LRRTM3: variants seen among roughly 807,000 people sequenced by gnomAD.
LRRTM3 encodes leucine rich repeat transmembrane neuronal 3, also known as leucine-rich repeat transmembrane neuronal protein 3.
A neutral mutation model predicts 44.7 loss-of-function variants in LRRTM3; 24 were observed. That is an observed-to-expected ratio of 0.54 (90% CI 0.39 to 0.76). The LOEUF is 0.76. Among genes scored for constraint, LRRTM3 ranks in the 30% least tolerant of loss-of-function variants. LRRTM3 has a pLI of 0.00. For missense variants in LRRTM3, 587 were observed against 702.2 expected (o/e 0.84, Z 1.85); for synonymous variants, 277 against 278.7 (o/e 0.99, Z 0.06).
At chr10:67,039,080 G>A (rs1288234673) in intron 2 of LRRTM3, among the ~76,000 whole-genome samples, 1 of 151,976 alleles carries the variant, frequency 6.6e-6, no homozygotes. Flanking sequence ...TATTTTTACA[G>A]TTTCTACCTG....
chr10:67,037,781 T>C (rs765307001), intron 2 of LRRTM3, among the ~76,000 whole-genome samples: 28 of 152,154 alleles, frequency 1.8e-4, no homozygotes, highest in Non-Finnish European at 1.9e-4. Context: ...CTTGAACAAA[T>C]ACATGGATGG....
chr10:67,028,838 C>T (rs1450617381), intron 2 of LRRTM3, among the ~76,000 whole-genome samples: 1 of 152,032 alleles, frequency 6.6e-6, no homozygotes, highest in African/African-American at 2.4e-5. Context: ...GATAGGAAAT[C>T]CCTGAGTAGA....
At chr10:67,042,674 A>G (rs1422212029) in intron 2 of LRRTM3, among the ~76,000 whole-genome samples, 2 of 151,974 alleles carry the variant, frequency 1.3e-5, no homozygotes, top group Non-Finnish European at 2.9e-5. Flanking sequence ...GAAAGGTAAG[A>G]GTGGGGAAAC....
chr10:67,043,450 G>A (rs374100587), intron 2 of LRRTM3, among the ~76,000 whole-genome samples: 8 of 152,206 alleles, frequency 5.3e-5, no homozygotes, highest in South Asian at 2.1e-4. Context: ...AATCTTTTCT[G>A]AGGGAGTAGG....
intron 2 of LRRTM3, among the ~76,000 whole-genome samples, chr10:67,001,757 ACT>A (rs1271174709): frequency 1.3e-5 from 2 of 152,144 alleles, no homozygotes; most frequent in East Asian, 1.9e-4. Context: ...CAAAAGGCAC[ACT>A]CACACTATCT....
intron 2 of LRRTM3, among the ~76,000 whole-genome samples, chr10:66,990,690 G>A (rs1386017269): frequency 6.6e-6 from 1 of 152,154 alleles, no homozygotes; most frequent in African/African-American, 2.4e-5. Flanking sequence ...GATAATGGAT[G>A]TTTATAGCAA....
In LRRTM3 at chr10:66,987,215, T is replaced by C. The variant is rs543813306; in HGVS notation, c.1536+58763T>C. Among the ~76,000 whole-genome samples, 145 of 152,224 alleles carry C rather than the reference T, an allele frequency of 9.5e-4. 1 individual carries two copies. Among genetic ancestry groups the C allele is most frequent in the African/African-American group, 3.2e-3 (133 of 41,544 alleles). ...GCAGAATATGTTGTAAGGACTTAAC[T>C]TTTTCTCTGAATGAAACGGGTGGCC... On this transcript the variant is annotated intron_variant, in intron 2 of 2. Coordinates refer to ENST00000361320, the MANE Select transcript of LRRTM3 (RefSeq NM_178011.5).
intron 2 of LRRTM3, among the ~76,000 whole-genome samples, chr10:66,987,774 C>T (rs1241268147): frequency 6.6e-6 from 1 of 152,104 alleles, no homozygotes; most frequent in Non-Finnish European, 1.5e-5. Context: ...GAATTTAGCT[C>T]ATGATAACTA....
Position 67,029,642 on chromosome 10 carries a change from C to G in LRRTM3, c.1537-67945C>G, listed in dbSNP as rs1299908714. ...GTTTGGGATGGCTTTTTCTCATTGC[C>G]TTTAAAAATAAATTTTAATTTTCCC... On this transcript the variant is annotated intron_variant, in intron 2 of 2. Coordinates refer to ENST00000361320, the MANE Select transcript of LRRTM3 (RefSeq NM_178011.5). 2.0e-5 allele frequency among the ~76,000 whole-genome samples: 3 copies of G among 152,138 alleles called. No homozygotes were observed. In the East Asian group the frequency reaches 5.8e-4, roughly 29 times the overall value.
At chr10:66,951,218 C>A (rs1382450275) in intron 2 of LRRTM3, among the ~76,000 whole-genome samples, 8 of 151,540 alleles carry the variant, frequency 5.3e-5, no homozygotes, top group Admixed American at 1.3e-4. Context: ...TGGGTTCAAG[C>A]GATTCTCCTG....
chr10:67,034,545 T>A (rs1327399337), intron 2 of LRRTM3, among the ~76,000 whole-genome samples: 1 of 152,196 alleles, frequency 6.6e-6, no homozygotes, highest in Non-Finnish European at 1.5e-5. Context: ...CTACCCTCCA[T>A]TAACACATTT....
At chr10:66,971,931 G>A (rs192076348) in intron 2 of LRRTM3, among the ~76,000 whole-genome samples, 2 of 151,214 alleles carry the variant, frequency 1.3e-5, no homozygotes, top group East Asian at 1.9e-4. Flanking sequence ...ATGTACTTCA[G>A]TATATTCCAT....
intron 2 of LRRTM3, among the ~76,000 whole-genome samples, chr10:66,930,320 A>C (rs1847304086): frequency 6.6e-6 from 1 of 152,236 alleles, no homozygotes; most frequent in Admixed American, 6.5e-5. Flanking sequence ...ACAAAAAGTC[A>C]CATATTTCCA....
intron 2 of LRRTM3, among the ~76,000 whole-genome samples, chr10:67,082,713 A>G (rs1385479722): frequency 6.6e-6 from 1 of 152,180 alleles, no homozygotes; most frequent in Non-Finnish European, 1.5e-5. Flanking sequence ...CCTTTTTTCT[A>G]AAGATAAAAT....
chr10:67,064,965 C>A (rs190462626), intron 2 of LRRTM3, among the ~76,000 whole-genome samples: 6 of 152,098 alleles, frequency 3.9e-5, no homozygotes, highest in African/African-American at 1.4e-4. Context: ...CTGCCCAGAC[C>A]CTCCTTGGAG....
chr10:67,084,518 A>C (rs1325860407), intron 2 of LRRTM3, among the ~76,000 whole-genome samples: 1 of 151,946 alleles, frequency 6.6e-6, no homozygotes, highest in Non-Finnish European at 1.5e-5. Flanking sequence ...GAACACCCTC[A>C]GCCATGAGAA....
At chr10:67,019,054 T>C (rs1852830638) in intron 2 of LRRTM3, among the ~76,000 whole-genome samples, 1 of 152,230 alleles carries the variant, frequency 6.6e-6, no homozygotes, top group Non-Finnish European at 1.5e-5. Flanking sequence ...ATCTAATGAA[T>C]ACAGTGCCTG....
At chr10:66,966,747 C>A (rs1849436350) in intron 2 of LRRTM3, among the ~76,000 whole-genome samples, 1 of 151,982 alleles carries the variant, frequency 6.6e-6, no homozygotes, top group South Asian at 2.1e-4. Flanking sequence ...ATATTTAGAA[C>A]TTAGCAGGGT....
chr10:67,035,111 T>A (rs1853967603), intron 2 of LRRTM3, among the ~76,000 whole-genome samples: 1 of 152,254 alleles, frequency 6.6e-6, no homozygotes, highest in Admixed American at 6.5e-5. Flanking sequence ...TATTGAATTA[T>A]CTGTGCATAT....
Sources: gnomAD v4.1 joint callset for allele counts (sites outside exome capture counted in the v4.1 genomes callset) on GRCh38, gnomAD v4.1.1 for gene constraint, MANE v1.5 for transcripts, NCBI Gene and HGNC (gene_info 2026-07-23, HGNC 2026-07-21) for gene names.